SPCS2: variants seen among roughly 807,000 people sequenced by gnomAD.
SPCS2 encodes signal peptidase complex subunit 2.
A neutral mutation model predicts 22.3 loss-of-function variants in SPCS2; 3 were observed. That is an observed-to-expected ratio of 0.13 (90% confidence interval 0.06 to 0.35). The LOEUF (loss-of-function observed/expected upper bound fraction) is 0.35, where lower values mean the gene tolerates loss of function less well. SPCS2 is among the 10% of genes least tolerant of loss of function. The pLI is 1.00. For synonymous variants in SPCS2, 67 were observed against 97.2 expected, an observed-to-expected ratio of 0.69 and a Z score of 1.83; for missense variants, 169 against 280.9, an observed-to-expected ratio of 0.60 and a Z score of 2.85.
At chr11:74,957,291 G>A (rs1286907077) in intron 1 of SPCS2, among the ~76,000 whole-genome samples, 1 of 152,122 alleles carries the variant, frequency 6.6e-6, no homozygotes, top group East Asian at 1.9e-4. Flanking sequence ...GAGAGGCTTG[G>A]CAGTTTCCTT....
At chr11:74,963,919 G>A (rs1337246574) in intron 1 of SPCS2, among the ~76,000 whole-genome samples, 1 of 152,148 alleles carries the variant, frequency 6.6e-6, no homozygotes, top group Non-Finnish European at 1.5e-5. Flanking sequence ...AGGTTTGTCA[G>A]ATTATTTGTA....
At chr11:74,970,649 T>C (rs1948578870) in intron 4 of SPCS2, among the ~76,000 whole-genome samples, 1 of 152,228 alleles carries the variant, frequency 6.6e-6, no homozygotes, top group African/African-American at 2.4e-5. Context: ...TAGAAGCGCC[T>C]ATGAGAAAGG....
At chr11:74,952,166 C>T (rs1948450479) in intron 1 of SPCS2, among the ~76,000 whole-genome samples, 3 of 152,112 alleles carry the variant, frequency 2.0e-5, no homozygotes, top group African/African-American at 7.2e-5. Context: ...AGGCCGTATA[C>T]ACAGTAGTGT....
chr11:74,955,584 T>C (rs1463779041), intron 1 of SPCS2, among the ~76,000 whole-genome samples: 3 of 151,838 alleles, frequency 2.0e-5, no homozygotes, highest in Non-Finnish European at 1.5e-5. Flanking sequence ...GAGTTTCTTT[T>C]TGAGGGTATG....
chr11:74,960,586 A>C (rs981024079), intron 1 of SPCS2, among the ~76,000 whole-genome samples: 1 of 132,972 alleles, frequency 7.5e-6, no homozygotes, highest in African/African-American at 2.8e-5. Flanking sequence ...CACTTCAGGG[A>C]TCTCTTTGTT....
In SPCS2 at chr11:74,956,792, G is replaced by T. The variant is rs114099818; in HGVS notation, c.114+7393G>T. ...CCCCTGCATGTTCTTGATCCTGCTT[G>T]TTTCTGTCATCCTCATCTGTCAGTT... On this transcript the variant is annotated intron_variant, in intron 1 of 4. Coordinates refer to ENST00000263672, the MANE Select transcript of SPCS2 (RefSeq NM_014752.3). Among the ~76,000 whole-genome samples the T allele has an allele frequency of 4.6e-3, 702 of 152,048 alleles. 7 individuals carry two copies. The highest frequency in any genetic ancestry group is 0.015 in the African/African-American group (639 of 41,498).
intron 1 of SPCS2, 158 bp downstream of exon 1, chr11:74,949,557 T>G (rs758946963): frequency 2.4e-5 from 17 of 707,010 alleles, no homozygotes; most frequent in Non-Finnish European, 3.8e-5. Flanking sequence ...AGCCTGCCCT[T>G]GCCCTCATCA....
intron 1 of SPCS2, among the ~76,000 whole-genome samples, chr11:74,957,869 G>A (rs1439791879): frequency 6.6e-6 from 1 of 152,212 alleles, no homozygotes; most frequent in Middle Eastern, 3.2e-3. Context: ...GACTTTAGAA[G>A]ATGTTAGTTG....
At chr11:74,976,287 A>G (rs1948613281) in intron 4 of SPCS2, among the ~76,000 whole-genome samples, 1 of 152,252 alleles carries the variant, frequency 6.6e-6, no homozygotes, top group Non-Finnish European at 1.5e-5. Context: ...CTCCCAGTCT[A>G]GTGAAGAAAG....
chr11:74,977,352 G>GTA lies in SPCS2; in HGVS notation c.*312_*313dup, dbSNP rs1206806066. 2 of 152,898 alleles carry GTA rather than the reference G, an allele frequency of 1.3e-5. No homozygotes were observed. Among genetic ancestry groups the GTA allele is most frequent in the African/African-American group, 5.0e-5 (2 of 39,950 alleles). 9.5% of individuals were successfully genotyped at this position (152,898 alleles called of 1,614,324 possible). ...TTTGTACCTAGCAGTACTTTATATA[G>GTA]TATAGCTTTGGGCCATGTAGCATTT... On this transcript the variant is annotated 3_prime_UTR_variant, in exon 5 of 5. Coordinates refer to ENST00000263672, the MANE Select transcript of SPCS2 (RefSeq NM_014752.3).
chr11:74,965,664 G>T, intron 2 of SPCS2, 99 bp from the exon 3 acceptor site: 1 of 1,029,370 alleles, frequency 9.7e-7, no homozygotes, highest in Non-Finnish European at 1.4e-6. Context: ...GGAACTACTT[G>T]GTAATTCATA....
In SPCS2 at chr11:74,958,933, G is replaced by A. The variant is rs539134222; in HGVS notation, c.115-6101G>A. Among the ~76,000 whole-genome samples the A allele has an allele frequency of 2.6e-5, 4 of 151,954 alleles. No homozygotes were observed. The South Asian group carries it at 8.3e-4, about 32-fold the overall frequency. ...CACTAAAATGACTTAAAAAAAAAAC[G>A]TAAATTTGATTGTTATTCCCATGCT... On this transcript the variant is annotated intron_variant, in intron 1 of 4. Transcript: ENST00000263672.
intron 1 of SPCS2, 100 bp downstream of exon 1, chr11:74,949,499 T>A (rs746341698): frequency 1.0e-5 from 11 of 1,073,076 alleles, no homozygotes; most frequent in Middle Eastern, 4.0e-4. Context: ...TACGGCCTTT[T>A]GAGGGGAGCC....
chr11:74,965,163 C>A, intron 2 of SPCS2, 46 bp downstream of exon 2: 1 of 1,234,166 alleles, frequency 8.1e-7, no homozygotes, highest in Non-Finnish European at 1.1e-6. Flanking sequence ...CAGCTGATGG[C>A]CATCTCTCCT....
At chr11:74,976,819 T>C in intron 4 of SPCS2, 38 bp from the exon 5 acceptor site, 1 of 1,612,654 alleles carries the variant, frequency 6.2e-7, no homozygotes, top group Non-Finnish European at 8.5e-7. Flanking sequence ...AATCTCTGTG[T>C]TTGGTTTTTA....
intron 1 of SPCS2, among the ~76,000 whole-genome samples, chr11:74,963,929 A>G (rs1948529483): frequency 6.6e-6 from 1 of 152,230 alleles, no homozygotes. Flanking sequence ...GATTATTTGT[A>G]GCACCCTGTT....
At chr11:74,976,760 G>C in intron 4 of SPCS2, 97 bp from the exon 5 acceptor site, 1 of 1,499,610 alleles carries the variant, frequency 6.7e-7, no homozygotes, top group Non-Finnish European at 9.2e-7. Context: ...ACCGTGCCCA[G>C]CTTACTCCTT....
chr11:74,960,009 G>A (rs1397116399), intron 1 of SPCS2, among the ~76,000 whole-genome samples: 1 of 152,150 alleles, frequency 6.6e-6, no homozygotes, highest in Non-Finnish European at 1.5e-5. Context: ...TCTTTGAACT[G>A]GTTAGCCAGC....
At chr11:74,951,502 G>C (rs114590897) in intron 1 of SPCS2, among the ~76,000 whole-genome samples, 3 of 151,970 alleles carry the variant, frequency 2.0e-5, no homozygotes, top group Non-Finnish European at 4.4e-5. Context: ...TGAACCCTGC[G>C]AGCTTATTGA....
Sources: gnomAD v4.1 joint callset for allele counts (sites outside exome capture counted in the v4.1 genomes callset) on GRCh38, gnomAD v4.1.1 for gene constraint, MANE v1.5 for transcripts, NCBI Gene and HGNC (gene_info 2026-07-23, HGNC 2026-07-21) for gene names.